MTG2: variants seen among roughly 807,000 people sequenced by gnomAD.
MTG2 encodes the protein mitochondrial ribosome associated GTPase 2.
A neutral mutation model predicts 28.6 loss-of-function variants in MTG2; 23 were observed. The observed-to-expected ratio is 0.80, with a 90% CI of 0.58 to 1.14. The LOEUF (loss-of-function observed/expected upper bound fraction) is 1.14. Ranked by LOEUF, MTG2 falls within the 50% of genes most tolerant of loss-of-function variation. The pLI, the probability that MTG2 is intolerant of heterozygous loss-of-function variation, is 0.00. For missense variants in MTG2, 539 were observed against 552.0 expected (o/e 0.98, Z 0.24); for synonymous variants, 260 against 251.8 (o/e 1.03, Z -0.31).
intron 3 of MTG2, among the ~76,000 whole-genome samples, chr20:62,196,696 A>C (rs1210228399): frequency 6.6e-6 from 1 of 151,590 alleles, no homozygotes; most frequent in Non-Finnish European, 1.5e-5. Flanking sequence ...ACAAACAAAC[A>C]AAAAAAACCC....
rs1418060672 is a variant in MTG2, at chr20:62,202,132, G to GT, written c.*1058dup. The GT allele has an allele frequency of 1.3e-5, 2 of 152,388 alleles. No individual in the cohort carries two copies. The highest frequency in any genetic ancestry group is 3.9e-4 in the East Asian group (2 of 5,184). The allele number at this position is 152,388 out of a possible 1,614,324, so 9.4% of individuals were successfully genotyped here. ...TGCAGCAGCGCCTTTCCTGTCTGTG[G>GT]TTTAAGTCTTTGCAGTCAAGTACTG... On this transcript the variant is annotated 3_prime_UTR_variant, in exon 7 of 7. Transcript: ENST00000370823.
chr20:62,192,076 C>A (rs143299631), intron 1 of MTG2, among the ~76,000 whole-genome samples: 1 of 152,344 alleles, frequency 6.6e-6, no homozygotes, highest in Non-Finnish European at 1.5e-5. Flanking sequence ...TCTGCAGACA[C>A]CAGCCAGGCA....
At chr20:62,184,311 C>A (rs1394792599) in intron 1 of MTG2, among the ~76,000 whole-genome samples, 4 of 151,948 alleles carry the variant, frequency 2.6e-5, no homozygotes, top group Non-Finnish European at 4.4e-5. Flanking sequence ...TGAGCCGAGA[C>A]CGCACCACTC....
chr20:62,195,775 G>T, intron 2 of MTG2, 27 bp from the exon 3 acceptor site: 1 of 1,613,648 alleles, frequency 6.2e-7, no homozygotes, highest in Non-Finnish European at 8.5e-7. Context: ...GTGTTGAGAT[G>T]ACGTGGGATA....
chr20:62,198,815 T>C lies in MTG2; in HGVS notation c.650T>C (p.Leu217Pro). The C allele has an allele frequency of 6.2e-7, 1 of 1,614,148 alleles. No homozygotes were observed. Among genetic ancestry groups the C allele is most frequent in the Non-Finnish European group, 8.5e-7 (1 of 1,180,042 alleles). The change falls in exon 5 of 7, where the codon CTC becomes CCC. Residue 217 changes from leucine (L) to proline (P), a missense_variant. Leu to Pro is a moderately conservative substitution (Grantham distance 98). Transcript: ENST00000370823. ...GGACAGCCAGGACAGCAGCGAGTTC[T>C]CCACCTGGAGCTCAAGACGGTGGCC... ...TPGQPGQQRVLHLELKTVAHA... is the reference protein window; with the variant it reads ...TPGQPGQQRVPHLELKTVAHA...
chr20:62,190,275 TTC>T (rs2057930533), intron 1 of MTG2, among the ~76,000 whole-genome samples: 1 of 152,212 alleles, frequency 6.6e-6, no homozygotes, highest in Non-Finnish European at 1.5e-5. Context: ...CTCCTGACCT[TTC>T]TGTTGCCTTT....
chr20:62,193,652 G>T (rs1202421852), intron 2 of MTG2, 28 bp downstream of exon 2: 1 of 1,579,608 alleles, frequency 6.3e-7, no homozygotes, highest in South Asian at 1.1e-5. Context: ...AGAGCAGCTT[G>T]CCTGTCTCCT....
chr20:62,196,736 T>A (rs1448705919), intron 3 of MTG2, among the ~76,000 whole-genome samples: 2 of 151,176 alleles, frequency 1.3e-5, no homozygotes, highest in East Asian at 3.9e-4. Context: ...TTATAAATTA[T>A]ATGGATATTC....
At chr20:62,195,388 T>G (rs753402506) in intron 2 of MTG2, among the ~76,000 whole-genome samples, 4 of 152,250 alleles carry the variant, frequency 2.6e-5, no homozygotes, top group Non-Finnish European at 5.9e-5. Flanking sequence ...AACTAGAACT[T>G]TCTAAGAGTA....
intron 6 of MTG2, 100 bp downstream of exon 6, chr20:62,199,357 C>A: frequency 6.9e-7 from 1 of 1,442,726 alleles, no homozygotes; most frequent in Non-Finnish European, 9.3e-7. Context: ...TAAAATGTAG[C>A]ATTGTTGGCC....
intron 1 of MTG2, among the ~76,000 whole-genome samples, chr20:62,186,588 A>G (rs1187578150): frequency 7.0e-6 from 1 of 142,898 alleles, no homozygotes; most frequent in East Asian, 2.1e-4. Flanking sequence ...GAGTGCGGTA[A>G]CGTGATCTCG....
chr20:62,198,581 T>C, intron 4 of MTG2, 53 bp from the exon 5 acceptor site: 1 of 1,577,956 alleles, frequency 6.3e-7, no homozygotes, highest in Non-Finnish European at 8.7e-7. Context: ...GGTTAAGGCC[T>C]CCTTTCCTCA....
At chr20:62,194,571 GTTTTAAAT>G (rs2058024998) in intron 2 of MTG2, among the ~76,000 whole-genome samples, 1 of 151,896 alleles carries the variant, frequency 6.6e-6, no homozygotes, top group Non-Finnish European at 1.5e-5. Flanking sequence ...GAATGTTTGT[GTTTTAAAT>G]TTTTAAATTT....
At chr20:62,191,567 C>T (rs2057960201) in intron 1 of MTG2, among the ~76,000 whole-genome samples, 1 of 152,154 alleles carries the variant, frequency 6.6e-6, no homozygotes, top group African/African-American at 2.4e-5. Context: ...AAGGAGGTGG[C>T]ACCTTTTCAG....
intron 2 of MTG2, among the ~76,000 whole-genome samples, chr20:62,194,772 C>T (rs1325376652): frequency 6.6e-6 from 1 of 152,190 alleles, no homozygotes; most frequent in Non-Finnish European, 1.5e-5. Context: ...TCCTCCCCAG[C>T]GTGTGGTGAG....
chr20:62,185,715 G>C (rs2057830002), intron 1 of MTG2, among the ~76,000 whole-genome samples: 2 of 152,178 alleles, frequency 1.3e-5, no homozygotes, highest in Admixed American at 6.5e-5. Context: ...CGTGACATGT[G>C]GCTGTGTGCA....
chr20:62,189,752 G>T (rs1185908968), intron 1 of MTG2, among the ~76,000 whole-genome samples: 1 of 137,794 alleles, frequency 7.3e-6, no homozygotes, highest in African/African-American at 2.8e-5. Context: ...TGCAACCTCC[G>T]CCTCCCCGTT....
chr20:62,188,648 G>A (rs6142724), intron 1 of MTG2: 4 of 151,158 alleles, frequency 2.6e-5, no homozygotes, highest in Non-Finnish European at 4.4e-5. Flanking sequence ...CCACTGTACC[G>A]GGCCTTTCTG....
At chr20:62,192,371 G>A (rs541718878) in intron 1 of MTG2, among the ~76,000 whole-genome samples, 4 of 152,342 alleles carry the variant, frequency 2.6e-5, no homozygotes, top group African/African-American at 4.8e-5. Context: ...GGAGGGGCAC[G>A]GGCGAGGCCC....
Sources: gnomAD v4.1 joint callset for allele counts (sites outside exome capture counted in the v4.1 genomes callset) on GRCh38, gnomAD v4.1.1 for gene constraint, MANE v1.5 for transcripts, NCBI Gene and HGNC (gene_info 2026-07-23, HGNC 2026-07-21) for gene names.